Variants in ANO1 observed in about 807,000 individuals in gnomAD.
ANO1 encodes the protein anoctamin 1.
In ANO1, 59 loss-of-function variants were observed where a neutral mutation model predicts 124.0. The observed-to-expected ratio is 0.48, with a 90% CI of 0.39 to 0.59. The LOEUF is 0.59. Among genes scored for constraint, ANO1 ranks in the 20% least tolerant of loss-of-function variants. The probability of loss-of-function intolerance (pLI) is 0.00; values close to 1 mark genes in which losing one functional copy is unlikely to be tolerated. For synonymous variants in ANO1, 529 were observed against 532.0 expected (o/e 0.99, Z 0.08); for missense variants, 1,059 against 1,328.0 (o/e 0.80, Z 3.15).
intron 1 of ANO1, among the ~76,000 whole-genome samples, chr11:70,083,132 AT>A (rs900115189): frequency 2.6e-5 from 4 of 151,816 alleles, no homozygotes; most frequent in African/African-American, 9.7e-5. Context: ...TGGCCACAAG[AT>A]TTTTTTTCCC....
At chr11:70,124,443 C>G in intron 9 of ANO1, 29 bp downstream of exon 9, 1 of 1,607,550 alleles carries the variant, frequency 6.2e-7, no homozygotes, top group African/African-American at 1.3e-5. Flanking sequence ...CTGCGGGAAT[C>G]AAGTCCCTAC....
intron 24 of ANO1, among the ~76,000 whole-genome samples, chr11:70,184,307 G>A (rs2049029423): frequency 6.6e-6 from 1 of 152,182 alleles, no homozygotes; most frequent in Non-Finnish European, 1.5e-5. Flanking sequence ...ACAGACCCTG[G>A]GCATCTCTGG....
rs529222860 is a variant in ANO1, at chr11:70,137,181, C to T, written c.1258+5102C>T. 3.8e-4 allele frequency among the ~76,000 whole-genome samples: 56 copies of T among 147,332 alleles called. 2 individuals carry two copies. The highest frequency in any genetic ancestry group is 1.1e-3 in the African/African-American group (45 of 41,334). On this transcript the variant is annotated intron_variant, in intron 11 of 25. Transcript: ENST00000355303. ...ATGTAGGGTCAGCAGCAGTCTGTCA[C>T]CGCTGAAGCACACGTGCCAGAGCTC... is the stretch of plus-strand genomic sequence containing the variant.
chr11:70,126,333 C>T (rs549791384), intron 10 of ANO1, 138 bp downstream of exon 10: 79 of 1,151,118 alleles, frequency 6.9e-5, no homozygotes, highest in African/African-American at 5.9e-4. Flanking sequence ...AGCCACGAGC[C>T]GTCAGGAGGA....
intron 1 of ANO1, among the ~76,000 whole-genome samples, chr11:70,085,046 AG>A (rs758262188): frequency 6.6e-6 from 1 of 151,814 alleles, no homozygotes. Flanking sequence ...GCTCCTACTA[AG>A]GGGGGCCGCA....
At chr11:70,111,163 A>G in intron 6 of ANO1, 1 of 457,074 alleles carries the variant, frequency 2.2e-6, no homozygotes, top group Non-Finnish European at 4.4e-6. Flanking sequence ...CCGCCCTTCT[A>G]AGTAAAAGGC....
At chr11:70,043,848 A>G (rs1555005299) in intron 1 of ANO1, among the ~76,000 whole-genome samples, 1 of 152,210 alleles carries the variant, frequency 6.6e-6, no homozygotes, top group African/African-American at 2.4e-5. Flanking sequence ...AAGGAAAATG[A>G]TAACAGATGA....
intron 8 of ANO1, among the ~76,000 whole-genome samples, chr11:70,119,976 C>T (rs947291014): frequency 2.0e-5 from 3 of 151,982 alleles, no homozygotes; most frequent in Non-Finnish European, 4.4e-5. Flanking sequence ...CTCAGAGCTG[C>T]AGGGAACTCT....
At chr11:70,154,870 CTGACT>C (rs2047745898) in intron 14 of ANO1, among the ~76,000 whole-genome samples, 1 of 152,258 alleles carries the variant, frequency 6.6e-6, no homozygotes, top group Non-Finnish European at 1.5e-5. Flanking sequence ...GACTGTCTGT[CTGACT>C]TAACACATCG....
chr11:69,972,101 C>T, the ANO1 span, among the ~76,000 whole-genome samples: 11 of 146,794 alleles, frequency 7.5e-5, no homozygotes, highest in South Asian at 4.4e-4. Context: ...AGCCGGAAAT[C>T]GCTTGAACCC....
At chr11:70,102,739 T>G (rs2045327212) in intron 2 of ANO1, among the ~76,000 whole-genome samples, 1 of 152,306 alleles carries the variant, frequency 6.6e-6, no homozygotes, top group African/African-American at 2.4e-5. Context: ...TAGCCTGCTT[T>G]GGGGGCCCTT....
rs59821789 is a variant in ANO1, at chr11:69,992,216, AGATGGATGGATGGATGGATG to A, written c.58+6071_58+6090del. ...TGAATGGATGGATGGACGAATGGAT[AGATGGATGGATGGATGGATG>A]GATGGATGGATGGATGGATGATGGA... On this transcript the variant is annotated intron_variant, in intron 1 of 27. Transcript: ENST00000531349. 4.6e-3 allele frequency among the ~76,000 whole-genome samples: 670 copies of A among 147,170 alleles called. 9 individuals carry two copies. In the East Asian group the frequency reaches 0.084, roughly 19 times the overall value.
chr11:69,993,270 G>A (rs1375030668), intron 1 of ANO1, among the ~76,000 whole-genome samples: 1 of 152,140 alleles, frequency 6.6e-6, no homozygotes, highest in African/African-American at 2.4e-5. Context: ...AATTATTTCT[G>A]CCCACATATG....
At chr11:70,026,324 ATGGTGGTGG>A (rs797043741) in intron 1 of ANO1, among the ~76,000 whole-genome samples, 2 of 145,494 alleles carry the variant, frequency 1.4e-5, no homozygotes, top group African/African-American at 2.6e-5. Context: ...GGCATTGATG[ATGGTGGTGG>A]TGGTGGTGGT....
chr11:70,090,363 T>C (rs2044581111), intron 2 of ANO1, among the ~76,000 whole-genome samples: 1 of 152,214 alleles, frequency 6.6e-6, no homozygotes, highest in African/African-American at 2.4e-5. Context: ...AACTTTGAGA[T>C]CTTAACGCTC....
chr11:70,028,085 GA>G lies in ANO1; in HGVS notation c.58+41922del, dbSNP rs147197556. On this transcript the variant is annotated intron_variant, in intron 1 of 27. Coordinates refer to the ANO1 transcript ENST00000531349. ...AAGGTACTACTGATTTCCCTCAGAA[GA>G]AATAGATCCGAATAAGCGCCAATTC... 7.4e-3 allele frequency among the ~76,000 whole-genome samples: 1,132 copies of G among 152,300 alleles called. 13 individuals carry two copies. The highest frequency in any genetic ancestry group is 0.026 in the African/African-American group (1,083 of 41,556).
At chr11:70,095,131 A>G (rs2004964) in intron 2 of ANO1, among the ~76,000 whole-genome samples, 92,867 of 150,720 alleles carry the variant, frequency 0.62, 30,834 homozygotes, top group South Asian at 0.75. Flanking sequence ...GCTTGAACCC[A>G]GGAGGCGGAG....
chr11:70,134,599 C>G (rs1565235433), intron 11 of ANO1, among the ~76,000 whole-genome samples: 1 of 152,200 alleles, frequency 6.6e-6, no homozygotes, highest in African/African-American at 2.4e-5. Context: ...CCAAAGAAAA[C>G]CTATACGAGA....
intron 1 of ANO1, among the ~76,000 whole-genome samples, chr11:70,057,027 G>A (rs1474500292): frequency 1.3e-5 from 2 of 151,270 alleles, no homozygotes; most frequent in African/African-American, 4.9e-5. Flanking sequence ...CCCATTTACT[G>A]TATTCATCAT....
Sources: gnomAD v4.1 joint callset for allele counts (sites outside exome capture counted in the v4.1 genomes callset) on GRCh38, gnomAD v4.1.1 for gene constraint, MANE v1.5 for transcripts, NCBI Gene and HGNC (gene_info 2026-07-23, HGNC 2026-07-21) for gene names.